DRC3: variants seen among roughly 807,000 people sequenced by gnomAD.
DRC3 encodes leucine rich repeat containing 48.
Under a neutral mutation model 57.6 loss-of-function variants are expected in DRC3, and 45 were observed. That is an observed-to-expected ratio of 0.78 (90% CI 0.62 to 1.00). DRC3 has a LOEUF of 1.00. DRC3 is among the 50% of genes least tolerant of loss of function. The probability of loss-of-function intolerance (pLI) is 0.00; values close to 1 mark genes in which losing one functional copy is unlikely to be tolerated. For synonymous variants in DRC3, 257 were observed against 272.3 expected (o/e 0.94, Z 0.55); for missense variants, 655 against 675.2 (o/e 0.97, Z 0.33).
downstream of DRC3, chr17:18,016,889 A>AT (rs1231564609): frequency 1.4e-5 from 5 of 364,216 alleles, no homozygotes; most frequent in Non-Finnish European, 2.5e-5. Context: ...AAAAAAAAAA[A>AT]TCAGCTGGGT....
At chr17:17,986,389 A>C (rs1462729409) in intron 4 of DRC3, among the ~76,000 whole-genome samples, 1 of 152,168 alleles carries the variant, frequency 6.6e-6, no homozygotes, top group Non-Finnish European at 1.5e-5. Flanking sequence ...CATTGGTCTC[A>C]ATGTCAACAG....
At chr17:17,977,290 G>T (rs1052825034) in intron 2 of DRC3, 10 of 381,214 alleles carry the variant, frequency 2.6e-5, no homozygotes, top group Non-Finnish European at 4.4e-5. Flanking sequence ...AAGATCACAG[G>T]CTAGGGAGAC....
intron 4 of DRC3, among the ~76,000 whole-genome samples, chr17:17,984,747 G>C (rs1011215933): frequency 1.3e-5 from 2 of 152,140 alleles, no homozygotes; most frequent in Admixed American, 1.3e-4. Flanking sequence ...CCCCACGCCT[G>C]TCTGACCTCA....
Position 17,977,652 on chromosome 17 carries a change from C to T in DRC3, c.54C>T (p.Leu18=). The T allele has an allele frequency of 6.2e-7, 1 of 1,613,976 alleles. No individual in the cohort carries two copies. The highest frequency in any genetic ancestry group is 8.5e-7 in the Non-Finnish European group (1 of 1,179,876). Residue 18 remains leucine (L), a synonymous_variant, in exon 3 of 14, where the codon CTC becomes CTT. Transcript: ENST00000399187. The stretch of plus-strand genomic sequence containing the variant: ...CGAGGGTGATGGACGATGACATGCT[C>T]AAGCTGGCCGTCGGGGACCAGGGCC... ...MEPRVMDDDM[L]KLAVGDQGPQ...
chr17:17,992,962 C>A, intron 6 of DRC3, 51 bp downstream of exon 6: 2 of 1,600,710 alleles, frequency 1.2e-6, no homozygotes, highest in Middle Eastern at 1.7e-4. Flanking sequence ...ATTCCTCAAG[C>A]CCCCAGGTTT....
rs368249751 is a variant in DRC3 at position 17,992,003 on chromosome 17, G to A, written c.445-762G>A. The stretch of plus-strand genomic sequence containing the variant: ...TTAAAAACAAAATAGGGCCGGGCGC[G>A]GTGGCTCACGCCTGTAATTCCAACC... On this transcript the variant is annotated intron_variant, in intron 5 of 13. Transcript: ENST00000399187. 6.2e-4 allele frequency among the ~76,000 whole-genome samples: 95 copies of A among 152,086 alleles called. No homozygotes were observed. The East Asian group carries it at 0.015, about 23-fold the overall frequency.
intron 4 of DRC3, among the ~76,000 whole-genome samples, 168 bp downstream of exon 4, chr17:17,984,112 T>A (rs1037779485): frequency 1.1e-4 from 16 of 152,160 alleles, no homozygotes; most frequent in Non-Finnish European, 1.5e-4. Context: ...TGCTATTTTT[T>A]AAAAGCCTAG....
Position 18,016,085 on chromosome 17 carries a change from A to G in DRC3, c.1348A>G (p.Ile450Val), listed in dbSNP as rs757590413. 2 of 1,614,002 alleles carry G rather than the reference A, an allele frequency of 1.2e-6. No individual in the cohort carries two copies. Among genetic ancestry groups the G allele is most frequent in the Middle Eastern group, 1.7e-4 (1 of 6,060 alleles). The stretch of plus-strand genomic sequence containing the variant: ...CCAGCTTTTTGTCGATAAAGATACG[A>G]TTGTTAATGCTGTCGGGGCATCGCA... ...LRALFVDKDT[I>V]VNAVGASHDI... is the part of the protein sequence containing the mutation. Residue 450 changes from isoleucine to valine, a missense_variant, in exon 13 of 14, where the codon ATT becomes GTT. Ile to Val is a conservative substitution (Grantham distance 29). Coordinates refer to ENST00000399187, the MANE Select transcript of DRC3 (RefSeq NM_031294.4).
intron 5 of DRC3, among the ~76,000 whole-genome samples, chr17:17,990,580 C>A (rs914799094): frequency 1.3e-5 from 2 of 152,254 alleles, no homozygotes; most frequent in Admixed American, 1.3e-4. Flanking sequence ...AATGTCACCT[C>A]CCCAGAGAGA....
chr17:17,986,310 A>G (rs2042954273), intron 4 of DRC3, among the ~76,000 whole-genome samples: 1 of 152,198 alleles, frequency 6.6e-6, no homozygotes, highest in Admixed American at 6.5e-5. Context: ...GGATGATGCT[A>G]TCTGTGCTAT....
At chr17:18,011,463 C>A (rs984001198) in intron 12 of DRC3, 2 of 200,530 alleles carry the variant, frequency 1.0e-5, no homozygotes, top group African/African-American at 4.8e-5. Flanking sequence ...CACTGGGGGA[C>A]CAAGATTGCA....
Position 18,016,728 on chromosome 17 carries a change from A to AG in DRC3, c.*59dup. The AG allele has an allele frequency of 4.3e-6, 5 of 1,174,808 alleles. 2 individuals carry two copies. In the South Asian group the frequency reaches 6.4e-5, roughly 15 times the overall value. 72.8% of individuals were successfully genotyped at this position (1,174,808 alleles called of 1,614,324 possible). On this transcript the variant is annotated 3_prime_UTR_variant, in exon 14 of 14. Coordinates refer to ENST00000399187, the MANE Select transcript of DRC3 (RefSeq NM_031294.4). ...CATAGCACCAGCCCCAGCCAGGAGA[A>AG]GGAAGTGCACACGCCTCACCCGCAC...
intron 3 of DRC3, among the ~76,000 whole-genome samples, chr17:17,978,968 A>G (rs2042524705): frequency 6.6e-6 from 1 of 152,236 alleles, no homozygotes; most frequent in South Asian, 2.1e-4. Context: ...AAATAAAATG[A>G]AGAAGGAAAA....
intron 12 of DRC3, chr17:18,007,586 C>T (rs2044026893): frequency 6.8e-7 from 1 of 1,463,184 alleles, no homozygotes; most frequent in Non-Finnish European, 9.1e-7. Flanking sequence ...TTTGCACCAG[C>T]ACATCCACTG....
At chr17:17,982,209 T>C (rs2042729672) in intron 3 of DRC3, among the ~76,000 whole-genome samples, 1 of 150,506 alleles carries the variant, frequency 6.6e-6, no homozygotes, top group Admixed American at 6.6e-5. Context: ...GCCAGGATGG[T>C]CTCCATCTCT....
At chr17:17,975,787 A>T (rs1017527195) in intron 2 of DRC3, among the ~76,000 whole-genome samples, 1 of 152,160 alleles carries the variant, frequency 6.6e-6, no homozygotes, top group African/African-American at 2.4e-5. Context: ...GCACAGGTGG[A>T]GAAGGGGTAG....
At chr17:17,995,204 C>A in intron 8 of DRC3, 93 bp downstream of exon 8, 1 of 852,020 alleles carries the variant, frequency 1.2e-6, no homozygotes, top group Non-Finnish European at 1.9e-6. Context: ...TTCTTCATCT[C>A]TCTTGTAAGA....
chr17:17,992,199 C>T (rs1230344167), intron 5 of DRC3, among the ~76,000 whole-genome samples: 3 of 152,046 alleles, frequency 2.0e-5, no homozygotes, highest in Non-Finnish European at 2.9e-5. Context: ...CACTTGAACC[C>T]GGGAGGCAGA....
intron 3 of DRC3, among the ~76,000 whole-genome samples, chr17:17,979,820 G>A (rs2042569209): frequency 6.6e-6 from 1 of 152,214 alleles, no homozygotes; most frequent in South Asian, 2.1e-4. Context: ...AAGCACAGGT[G>A]GGAATTGTGG....
Sources: gnomAD v4.1 joint callset for allele counts (sites outside exome capture counted in the v4.1 genomes callset) on GRCh38, gnomAD v4.1.1 for gene constraint, MANE v1.5 for transcripts, NCBI Gene and HGNC (gene_info 2026-07-23, HGNC 2026-07-21) for gene names.